The following RHOF variants were observed in gnomAD, a reference collection of about 807,000 sequenced individuals.
RHOF encodes the protein rho-related GTP-binding protein RhoF.
Under a neutral mutation model 22.2 loss-of-function variants are expected in RHOF, and 21 were observed. The observed-to-expected ratio is 0.95, with a 90% CI of 0.67 to 1.36. The LOEUF (loss-of-function observed/expected upper bound fraction) is 1.36. Ranked by LOEUF, RHOF falls within the 40% of genes most tolerant of loss-of-function variation. RHOF has a pLI of 0.00. For missense variants in RHOF, 285 were observed against 293.7 expected (o/e 0.97, Z 0.22); for synonymous variants, 135 against 131.2 (o/e 1.03, Z -0.20).
rs372836309 is a variant in RHOF at position 121,793,556 on chromosome 12, G to A, written c.78C>T (p.Gly26=). The part of the protein sequence containing the change: ...GRKELKIVIV[G]DGGCGKTSLL... ...GCGAGGTCTTGCCGCAGCCGCCGTC[G>A]CCCACGATCACGATCTTCAGCTCCT... The change falls in exon 1 of 5, where the codon GGC becomes GGT. Residue 26 remains glycine, a synonymous_variant. Coordinates refer to ENST00000267205, the MANE Select transcript of RHOF (RefSeq NM_019034.3). 1.3e-4 allele frequency: 204 copies of A among 1,549,802 alleles called. 2 individuals are homozygous for A. In the African/African-American group the frequency reaches 2.5e-3, roughly 19 times the overall value.
Position 121,781,041 on chromosome 12 carries a change from C to T in RHOF, c.337-35G>A, listed in dbSNP as rs190607752. 24 of 1,613,526 alleles carry T rather than the reference C, an allele frequency of 1.5e-5. 1 individual carries two copies. Among genetic ancestry groups the T allele is most frequent in the East Asian group, 1.3e-4 (6 of 44,874 alleles). ...GAGGAGGCGGGATCAGGGGTGCGGC[C>T]GGGCCCAGATGTGGGGCCACCACCC... On this transcript the variant is annotated intron_variant, in intron 3 of 4. Transcript: ENST00000267205.
chr12:121,779,712 C>G (rs775142774), intron 4 of RHOF, 50 bp from the exon 5 acceptor site: 1 of 1,598,100 alleles, frequency 6.3e-7, no homozygotes, highest in Admixed American at 1.7e-5. Flanking sequence ...TGGAGGTCTC[C>G]TAGCACCACC....
In RHOF at chr12:121,778,193, C is replaced by A. The variant is rs886077844; in HGVS notation, c.*1305G>T. The A allele has an allele frequency of 6.6e-6, 1 of 152,282 alleles. No homozygotes were observed. The highest frequency in any genetic ancestry group is 2.4e-5 in the African/African-American group (1 of 41,430). 9.4% of individuals were successfully genotyped at this position (152,282 alleles called of 1,614,324 possible). On this transcript the variant is annotated 3_prime_UTR_variant, in exon 5 of 5. Coordinates refer to ENST00000267205, the MANE Select transcript of RHOF (RefSeq NM_019034.3). Reference sequence around the variant, plus strand: ...CTGGGCCGGGCACGGTGGCTCACGCCTGTAATCCCAGCACTTTGGGAGGCT... The same window carrying A: ...CTGGGCCGGGCACGGTGGCTCACGCATGTAATCCCAGCACTTTGGGAGGCT...
intron 2 of RHOF, among the ~76,000 whole-genome samples, chr12:121,783,821 C>T (rs1874539278): frequency 6.6e-6 from 1 of 152,184 alleles, no homozygotes; most frequent in Non-Finnish European, 1.5e-5. Context: ...CCAGGCTGGT[C>T]TTGAACTCCT....
At position 121,785,459 on chromosome 12, in the gene RHOF, C is replaced by T. The variant is rs1441265648; in HGVS notation, c.227-4267G>A. 3.7e-5 allele frequency among the ~76,000 whole-genome samples: 5 copies of T among 135,166 alleles called. No individual in the cohort carries two copies. The Admixed American group carries it at 4.1e-4, about 11-fold the overall frequency. The allele number at this position is 135,166 out of a possible 152,430, so 88.7% of individuals were successfully genotyped here. A position where few individuals can be genotyped will look rare whatever the true frequency, so the allele number is the denominator to read the frequency against. ...TTTTTTTTTTGGAGACAGGGTCTTG[C>T]TCTGTTGCCCAGGCTGGAGTGCAGT... On this transcript the variant is annotated intron_variant, in intron 2 of 4. Coordinates refer to ENST00000267205, the MANE Select transcript of RHOF (RefSeq NM_019034.3).
intron 2 of RHOF, among the ~76,000 whole-genome samples, chr12:121,785,741 G>C (rs1438099805): frequency 6.6e-6 from 1 of 151,926 alleles, no homozygotes. Flanking sequence ...CTCCTGAGTA[G>C]CTGGGACTTG....
intron 2 of RHOF, among the ~76,000 whole-genome samples, chr12:121,785,422 CTTTT>C (rs758984066): frequency 2.3e-5 from 2 of 86,160 alleles, no homozygotes; most frequent in Middle Eastern, 5.0e-3. Context: ...TTTTTCTTTA[CTTTT>C]TTTTTTTTTT....
intron 2 of RHOF, among the ~76,000 whole-genome samples, chr12:121,790,021 C>G (rs959546800): frequency 1.3e-5 from 2 of 152,254 alleles, no homozygotes; most frequent in African/African-American, 4.8e-5. Flanking sequence ...GATGTCAGGG[C>G]CCCGGTGAGG....
At chr12:121,783,282 T>G (rs1358120071) in intron 2 of RHOF, among the ~76,000 whole-genome samples, 1 of 142,532 alleles carries the variant, frequency 7.0e-6, no homozygotes, top group Non-Finnish European at 1.5e-5. Context: ...TGGCCCCCTC[T>G]CCACAACTGA....
At chr12:121,786,054 T>A (rs980432519) in intron 2 of RHOF, among the ~76,000 whole-genome samples, 3 of 151,234 alleles carry the variant, frequency 2.0e-5, no homozygotes, top group Non-Finnish European at 4.4e-5. Flanking sequence ...TAGCTGGGAC[T>A]ACAGGCGCCC....
intron 2 of RHOF, 40 bp downstream of exon 2, chr12:121,793,112 G>T: frequency 6.6e-7 from 1 of 1,515,866 alleles, no homozygotes; most frequent in Non-Finnish European, 8.9e-7. Flanking sequence ...CCCTTCGGGC[G>T]GGCGGACCCT....
chr12:121,791,735 G>A (rs1245614535), intron 2 of RHOF, among the ~76,000 whole-genome samples: 1 of 152,244 alleles, frequency 6.6e-6, no homozygotes, highest in Non-Finnish European at 1.5e-5. Context: ...GCCCTGAACA[G>A]TGAACCCCGG....
Position 121,781,016 on chromosome 12 carries a change from GA to G in RHOF, c.337-11del. 1 of 1,613,454 alleles carries G rather than the reference GA, an allele frequency of 6.2e-7. No homozygotes were observed. The highest frequency in any genetic ancestry group is 8.5e-7 in the Non-Finnish European group (1 of 1,179,492). The stretch of plus-strand genomic sequence containing the variant: ...TGACCTCAGGGAACCACTGTGGAGG[GA>G]GGAGGCGGGATCAGGGGTGCGGCCG... On this transcript the variant is annotated splice_polypyrimidine_tract_variant and intron_variant, in intron 3 of 4. Transcript: ENST00000267205.
intron 2 of RHOF, among the ~76,000 whole-genome samples, chr12:121,784,410 T>A (rs1381740091): frequency 6.6e-6 from 1 of 151,740 alleles, no homozygotes; most frequent in East Asian, 1.9e-4. Flanking sequence ...CTGGGTGTGG[T>A]GGCAGGTGCC....
chr12:121,788,891 G>A (rs1874686403), intron 2 of RHOF, among the ~76,000 whole-genome samples: 1 of 152,112 alleles, frequency 6.6e-6, no homozygotes, highest in Non-Finnish European at 1.5e-5. Context: ...TGGCATGGTG[G>A]GTGGTCAGAA....
At chr12:121,790,423 C>T (rs951871440) in intron 2 of RHOF, among the ~76,000 whole-genome samples, 5 of 152,274 alleles carry the variant, frequency 3.3e-5, no homozygotes, top group Non-Finnish European at 7.3e-5. Flanking sequence ...GGCCGCCTGG[C>T]CATGGCTTTC....
At position 121,779,415 on chromosome 12, in the gene RHOF, G is replaced by C. The variant is rs763163453; in HGVS notation, c.*83C>G. 6.2e-6 allele frequency: 9 copies of C among 1,462,794 alleles called. No individual in the cohort carries two copies. The African/African-American group carries it at 1.3e-4, about 20-fold the overall frequency. 90.6% of individuals were successfully genotyped at this position (1,462,794 alleles called of 1,614,324 possible). The stretch of plus-strand genomic sequence containing the variant: ...CCCAGACACCATGAGCTGGAGGGTC[G>C]GGATGGGGCAGCCTCCCTGGTGCAA... On this transcript the variant is annotated 3_prime_UTR_variant, in exon 5 of 5. Transcript: ENST00000267205.
chr12:121,790,192 C>T (rs773669869), intron 2 of RHOF, among the ~76,000 whole-genome samples: 3 of 152,246 alleles, frequency 2.0e-5, no homozygotes, highest in Non-Finnish European at 4.4e-5. Flanking sequence ...GGGCAGCGTC[C>T]GGCCCCTGCC....
At chr12:121,792,341 G>T (rs919381445) in intron 2 of RHOF, among the ~76,000 whole-genome samples, 4 of 152,242 alleles carry the variant, frequency 2.6e-5, no homozygotes, top group African/African-American at 7.2e-5. Flanking sequence ...CCCCAATGTT[G>T]ATGAAGCCCA....
Sources: allele counts gnomAD v4.1 joint callset (sites outside exome capture counted in the v4.1 genomes callset), GRCh38; gene constraint gnomAD v4.1.1; transcripts MANE v1.5; gene names NCBI Gene and HGNC (gene_info 2026-07-23, HGNC 2026-07-21).